RABGAP1L: variants seen among roughly 807,000 people sequenced by gnomAD.
The protein encoded by RABGAP1L is RAB GTPase activating protein 1 like.
A neutral mutation model predicts 137.7 loss-of-function variants in RABGAP1L; 63 were observed. The ratio of observed to expected loss-of-function variants is 0.46; its 90% CI spans 0.37 to 0.56. RABGAP1L has a LOEUF of 0.56. RABGAP1L is among the 20% of genes least tolerant of loss of function. The pLI is 0.00. For missense variants in RABGAP1L, 1,095 were observed against 1,244.0 expected (o/e 0.88, Z 1.80); for synonymous variants, 431 against 433.7 (o/e 0.99, Z 0.08).
intron 13 of RABGAP1L, among the ~76,000 whole-genome samples, chr1:174,550,748 G>A (rs553569054): frequency 2.0e-5 from 3 of 149,714 alleles, no homozygotes; most frequent in Admixed American, 6.7e-5. Flanking sequence ...AGCTGGGCGC[G>A]GTGGCTCACA....
intron 11 of RABGAP1L, among the ~76,000 whole-genome samples, chr1:174,370,463 CTTTTTTTTTT>C (rs1183875194): frequency 1.1e-4 from 4 of 37,872 alleles, no homozygotes; most frequent in Non-Finnish European, 1.8e-4. Context: ...TTAAAAATAC[CTTTTTTTTTT>C]TTTTTTTTTT....
At chr1:174,359,788 A>C (rs1163506135) in intron 11 of RABGAP1L, among the ~76,000 whole-genome samples, 1 of 152,208 alleles carries the variant, frequency 6.6e-6, no homozygotes, top group Non-Finnish European at 1.5e-5. Flanking sequence ...TCTCTGCCTC[A>C]ATTTTCTCAT....
intron 13 of RABGAP1L, among the ~76,000 whole-genome samples, chr1:174,634,801 C>A (rs1673797333): frequency 6.8e-6 from 1 of 146,040 alleles, no homozygotes; most frequent in Non-Finnish European, 1.5e-5. Flanking sequence ...GCAAACACCG[C>A]ATATTCTCCC....
intron 13 of RABGAP1L, among the ~76,000 whole-genome samples, chr1:174,455,159 G>A (rs963595473): frequency 6.6e-6 from 1 of 152,046 alleles, no homozygotes; most frequent in African/African-American, 2.4e-5. Context: ...AGTAAATGGA[G>A]CCAAATTAGT....
At chr1:174,906,900 G>GA (rs59299069) in intron 19 of RABGAP1L, among the ~76,000 whole-genome samples, 42 of 146,628 alleles carry the variant, frequency 2.9e-4, no homozygotes, top group South Asian at 4.4e-4. Context: ...AGTGCTCAAA[G>GA]AAAAAAAAAA....
intron 1 of RABGAP1L, among the ~76,000 whole-genome samples, chr1:174,203,707 A>G (rs565124021): frequency 8.5e-5 from 13 of 152,250 alleles, no homozygotes; most frequent in South Asian, 6.2e-4. Flanking sequence ...GGCCATTTCA[A>G]TGACATTCTA....
chr1:174,292,838 T>C (rs1157693097), intron 10 of RABGAP1L, among the ~76,000 whole-genome samples: 1 of 152,196 alleles, frequency 6.6e-6, no homozygotes, highest in African/African-American at 2.4e-5. Flanking sequence ...TAAGCAACAG[T>C]AGTAATAGCC....
At chr1:174,231,783 C>T (rs1670679292) in intron 4 of RABGAP1L, among the ~76,000 whole-genome samples, 1 of 152,030 alleles carries the variant, frequency 6.6e-6, no homozygotes, top group African/African-American at 2.4e-5. Flanking sequence ...AGGTGCCACA[C>T]GCTTTTAAAC....
At chr1:174,579,040 T>C (rs1668562910) in intron 13 of RABGAP1L, among the ~76,000 whole-genome samples, 1 of 152,148 alleles carries the variant, frequency 6.6e-6, no homozygotes, top group Admixed American at 6.6e-5. Context: ...AAATAAAATA[T>C]GGAGACCTGC....
intron 14 of RABGAP1L, among the ~76,000 whole-genome samples, chr1:174,640,246 A>G (rs920368049): frequency 4.6e-5 from 7 of 152,094 alleles, no homozygotes; most frequent in African/African-American, 1.7e-4. Flanking sequence ...GTTATTTAGT[A>G]TCTCATGCCA....
rs1040209636 is a variant in RABGAP1L, at chr1:174,614,572, T to C, written c.1711-22803T>C. ...TTATGTGGCTTGGAGTTGCTCTTCT[T>C]GAGGAGTATCTTTGTGGCATTCTCT... is the stretch of plus-strand genomic sequence containing the variant. On this transcript the variant is annotated intron_variant, in intron 13 of 25. Coordinates refer to ENST00000681986, the MANE Select transcript of RABGAP1L (RefSeq NM_001366446.1). Among the ~76,000 whole-genome samples the C allele has an allele frequency of 2.5e-4, 38 of 152,266 alleles. No individual in the cohort carries two copies. The East Asian group carries it at 3.7e-3, about 15-fold the overall frequency.
intron 10 of RABGAP1L, among the ~76,000 whole-genome samples, chr1:174,281,033 C>A (rs950868733): frequency 2.0e-5 from 3 of 152,036 alleles, no homozygotes; most frequent in Admixed American, 1.3e-4. Flanking sequence ...TTGATCCTCC[C>A]GGTGGGTTCG....
intron 10 of RABGAP1L, among the ~76,000 whole-genome samples, chr1:174,292,220 G>A (rs868752972): frequency 6.0e-5 from 9 of 150,154 alleles, no homozygotes; most frequent in Middle Eastern, 3.5e-3. Flanking sequence ...TTGTATGGAT[G>A]GGGTGTTGCT....
chr1:174,312,609 G>T (rs899897966), intron 11 of RABGAP1L, among the ~76,000 whole-genome samples: 1 of 151,972 alleles, frequency 6.6e-6, no homozygotes, highest in Non-Finnish European at 1.5e-5. Context: ...AACTTGATAC[G>T]GTCTCATTTG....
At chr1:174,280,048 G>GGAGAGAGAGAGAGAGAGAGA (rs59262212) in intron 10 of RABGAP1L, among the ~76,000 whole-genome samples, 99 of 125,290 alleles carry the variant, frequency 7.9e-4, no homozygotes, top group African/African-American at 2.7e-3. Context: ...CTGTCTGCCT[G>GGAGAGAGAGAGAGAGAGAGA]GAGAGAGAGA....
At chr1:174,892,356 A>T (rs1465628167) in intron 19 of RABGAP1L, 1 of 353,540 alleles carries the variant, frequency 2.8e-6, no homozygotes, top group Non-Finnish European at 5.4e-6. Context: ...CCAACTGGAG[A>T]GTCAGAGGGA....
At chr1:174,939,428 C>T (rs1022457819) in intron 19 of RABGAP1L, among the ~76,000 whole-genome samples, 2 of 151,618 alleles carry the variant, frequency 1.3e-5, no homozygotes, top group African/African-American at 4.9e-5. Context: ...TGTGGTGGTG[C>T]GTGCCTGTTA....
chr1:174,590,354 T>G (rs560677102), intron 13 of RABGAP1L, among the ~76,000 whole-genome samples: 1 of 144,932 alleles, frequency 6.9e-6, no homozygotes, highest in South Asian at 2.2e-4. Flanking sequence ...TTTTATTTAT[T>G]TTTTTTTTAT....
At chr1:174,784,014 T>C (rs2116514) in intron 18 of RABGAP1L, among the ~76,000 whole-genome samples, 6 of 44,380 alleles carry the variant, frequency 1.4e-4, no homozygotes, top group African/African-American at 2.3e-4. Context: ...TCTTCTTCTT[T>C]TTTTTTTTTT....
Sources: gnomAD v4.1 joint callset for allele counts (sites outside exome capture counted in the v4.1 genomes callset) on GRCh38, gnomAD v4.1.1 for gene constraint, MANE v1.5 for transcripts, NCBI Gene and HGNC (gene_info 2026-07-23, HGNC 2026-07-21) for gene names.